KLRG2: variants seen among roughly 807,000 people sequenced by gnomAD.
KLRG2 encodes the protein killer cell lectin like receptor G2.
KLRG2 carries 39 observed loss-of-function variants against 35.4 expected under a neutral mutation model. The observed-to-expected ratio is 1.10, with a 90% confidence interval of 0.85 to 1.44. KLRG2 has a LOEUF of 1.44. Ranked by LOEUF, KLRG2 falls within the 40% of genes most tolerant of loss-of-function variation. KLRG2 has a pLI of 0.00. For synonymous variants in KLRG2, 283 were observed against 265.8 expected, an observed-to-expected ratio of 1.06 and a Z score of -0.63; for missense variants, 632 against 570.9, an observed-to-expected ratio of 1.11 and a Z score of -1.09.
chr7:139,468,765 T>C (rs1363076814), intron 3 of KLRG2, among the ~76,000 whole-genome samples: 1 of 152,232 alleles, frequency 6.6e-6, no homozygotes, highest in African/African-American at 2.4e-5. Context: ...ATGAATTCTG[T>C]CACCCTAAAG....
At chr7:139,448,968 G>T (rs1337704393), downstream of KLRG2, 1 of 151,716 alleles carries the variant, frequency 6.6e-6, no homozygotes, top group East Asian at 1.9e-4. Flanking sequence ...TTATCCAGGT[G>T]TGGTGGCGAG....
Position 139,479,786 on chromosome 7 carries a change from G to C in KLRG2, c.860-14C>G. 1 of 1,611,510 alleles carries C rather than the reference G, an allele frequency of 6.2e-7. No homozygotes were observed. The highest frequency in any genetic ancestry group is 8.5e-7 in the Non-Finnish European group (1 of 1,178,720). On this transcript the variant is annotated splice_polypyrimidine_tract_variant and intron_variant, in intron 2 of 4. Coordinates refer to ENST00000340940, the MANE Select transcript of KLRG2 (RefSeq NM_198508.4). ...GGCATCTGGCTCCTGCAAGCACAGA[G>C]ACTGCTGGTGAGCTGCAGGGTAAGC...
downstream of KLRG2, among the ~76,000 whole-genome samples, chr7:139,450,870 G>T (rs1796367833): frequency 6.6e-6 from 1 of 152,122 alleles, no homozygotes; most frequent in Admixed American, 6.5e-5. Flanking sequence ...ATAAAATGTG[G>T]CCCATGTGAC....
intron 4 of KLRG2, 28 bp downstream of exon 4, chr7:139,454,080 AGAG>A: frequency 8.2e-7 from 1 of 1,224,228 alleles, no homozygotes; most frequent in Non-Finnish European, 1.2e-6. Context: ...CCAGAACAGC[AGAG>A]GAGGGAGAAA....
intron 1 of KLRG2, among the ~76,000 whole-genome samples, chr7:139,482,438 G>T (rs1019840239): frequency 2.0e-5 from 3 of 152,040 alleles, no homozygotes; most frequent in Non-Finnish European, 2.9e-5. Flanking sequence ...TGTTGCCCAG[G>T]CTGGAGTACA....
chr7:139,449,115 A>AG (rs1796341091), downstream of KLRG2, among the ~76,000 whole-genome samples: 1 of 150,802 alleles, frequency 6.6e-6, no homozygotes, highest in Non-Finnish European at 1.5e-5. Flanking sequence ...CAAAAAAAAA[A>AG]AAATTGTTGG....
chr7:139,451,959 C>T (rs1159967650), downstream of KLRG2, among the ~76,000 whole-genome samples: 2 of 148,480 alleles, frequency 1.3e-5, no homozygotes, highest in East Asian at 4.0e-4. Flanking sequence ...CAGGGAATTT[C>T]CATGTCCTTT....
At chr7:139,445,767 G>GTATATATATA in the KLRG2 span, among the ~76,000 whole-genome samples, 5 of 89,614 alleles carry the variant, frequency 5.6e-5, no homozygotes, top group African/African-American at 5.0e-4. Flanking sequence ...ATATGTGTAT[G>GTATATATATA]TATATATATA....
chr7:139,451,547 T>C (rs1306668457), downstream of KLRG2, among the ~76,000 whole-genome samples: 1 of 151,110 alleles, frequency 6.6e-6, no homozygotes, highest in Non-Finnish European at 1.5e-5. Flanking sequence ...ACCGAGGGAG[T>C]GGATTATCAC....
At position 139,453,669 on chromosome 7, in the gene KLRG2, C is replaced by T. The variant is rs771146340; in HGVS notation, c.1148G>A (p.Cys383Tyr). 1.1e-5 allele frequency: 18 copies of T among 1,614,118 alleles called. No individual in the cohort carries two copies. The highest frequency in any genetic ancestry group is 6.7e-5 in the East Asian group (3 of 44,876). Residue 383 changes from cysteine (C) to tyrosine (Y), a missense_variant, in exon 5 of 5, where the codon TGT becomes TAT. Physicochemically the swap from Cys to Tyr is radical, Grantham distance 194 (BLOSUM62 -2). Coordinates refer to ENST00000340940, the MANE Select transcript of KLRG2 (RefSeq NM_198508.4). Reference sequence around the variant, plus strand: ...CAGCGTGCCTTCCTCCAGGGCCCCACAGTTGATATCCAGATTGTCCTCGCC... The same window carrying T: ...CAGCGTGCCTTCCTCCAGGGCCCCATAGTTGATATCCAGATTGTCCTCGCC... ...EDGEDNLDIN[C>Y]GALEEGTLVA...
the KLRG2 span, among the ~76,000 whole-genome samples, chr7:139,433,771 G>T: frequency 2.0e-5 from 3 of 151,850 alleles, no homozygotes; most frequent in East Asian, 5.8e-4. Flanking sequence ...GAATAGCCGG[G>T]ATTACAGGTG....
At chr7:139,427,418 C>T in the KLRG2 span, among the ~76,000 whole-genome samples, 1 of 152,176 alleles carries the variant, frequency 6.6e-6, no homozygotes, top group Non-Finnish European at 1.5e-5. Flanking sequence ...GGCTGTCAGT[C>T]AAGCAGGGAT....
At chr7:139,467,950 T>G (rs1796693958) in intron 3 of KLRG2, among the ~76,000 whole-genome samples, 1 of 152,202 alleles carries the variant, frequency 6.6e-6, no homozygotes, top group Non-Finnish European at 1.5e-5. Context: ...AAAACCTGAT[T>G]GTATGTTCCA....
chr7:139,445,802 T>C, the KLRG2 span, among the ~76,000 whole-genome samples: 3 of 140,530 alleles, frequency 2.1e-5, 1 homozygote, highest in Non-Finnish European at 1.5e-5. Context: ...TGTGTGTATA[T>C]ATATATGACG....
At chr7:139,470,770 CAA>C (rs1186241279) in intron 3 of KLRG2, among the ~76,000 whole-genome samples, 2 of 151,410 alleles carry the variant, frequency 1.3e-5, no homozygotes, top group Non-Finnish European at 2.9e-5. Flanking sequence ...CCAGCCTGGG[CAA>C]CAGAGACCTG....
intron 3 of KLRG2, among the ~76,000 whole-genome samples, chr7:139,471,083 G>A (rs1035735008): frequency 3.3e-5 from 5 of 151,604 alleles, no homozygotes; most frequent in African/African-American, 1.2e-4. Context: ...CCTGACCTCA[G>A]GTGATCCACC....
the KLRG2 span, among the ~76,000 whole-genome samples, chr7:139,446,327 T>TTTTCCA: frequency 6.9e-6 from 1 of 144,356 alleles, no homozygotes; most frequent in Admixed American, 7.4e-5. Context: ...ATTCTTTGCA[T>TTTTCCA]TTTCCAGGGT....
intron 1 of KLRG2, among the ~76,000 whole-genome samples, chr7:139,481,613 T>G (rs537545455): frequency 3.0e-4 from 45 of 152,136 alleles, no homozygotes; most frequent in Admixed American, 5.2e-4. Context: ...CACCCCCTAC[T>G]CCTACTCACC....
downstream of KLRG2, among the ~76,000 whole-genome samples, chr7:139,451,631 C>A (rs1272253704): frequency 6.6e-6 from 1 of 152,150 alleles, no homozygotes; most frequent in African/African-American, 2.4e-5. Context: ...GCCACTAATA[C>A]CTTTCTAGAT....
Sources: allele counts gnomAD v4.1 joint callset (sites outside exome capture counted in the v4.1 genomes callset), GRCh38; gene constraint gnomAD v4.1.1; transcripts MANE v1.5; gene names NCBI Gene and HGNC (gene_info 2026-07-23, HGNC 2026-07-21).